Variants in ULK4 observed in about 807,000 individuals in gnomAD.
ULK4 encodes the protein unc-51 like kinase 4, also known as inactive serine/threonine-protein kinase ULK4.
Under a neutral mutation model 160.6 loss-of-function variants are expected in ULK4, and 133 were observed. The observed-to-expected ratio is 0.83, with a 90% CI of 0.72 to 0.96. ULK4 has a LOEUF of 0.96. Ranked by LOEUF, ULK4 falls within the 40% of genes least tolerant of loss-of-function variation. The pLI is 0.00. For synonymous variants in ULK4, 534 were observed against 539.8 expected (o/e 0.99, Z 0.15); for missense variants, 1,580 against 1,499.5 (o/e 1.05, Z -0.89).
chr3:41,295,034 C>G (rs1239426918), intron 35 of ULK4, among the ~76,000 whole-genome samples: 1 of 152,134 alleles, frequency 6.6e-6, no homozygotes, highest in Non-Finnish European at 1.5e-5. Flanking sequence ...CCGACACTTT[C>G]TAACTTCAAG....
At chr3:41,411,852 G>A (rs954702656) in intron 34 of ULK4, among the ~76,000 whole-genome samples, 9 of 152,226 alleles carry the variant, frequency 5.9e-5, no homozygotes, top group Middle Eastern at 6.8e-3. Flanking sequence ...CCTGATAAAG[G>A]TTGTGTAGGA....
intron 21 of ULK4, among the ~76,000 whole-genome samples, chr3:41,768,815 A>G (rs1043262548): frequency 6.6e-6 from 1 of 152,244 alleles, no homozygotes; most frequent in Non-Finnish European, 1.5e-5. Context: ...GGCACAAAAA[A>G]GTTTCACACA....
chr3:41,808,583 C>T (rs1339004900), intron 19 of ULK4, among the ~76,000 whole-genome samples: 1 of 152,168 alleles, frequency 6.6e-6, no homozygotes, highest in Non-Finnish European at 1.5e-5. Flanking sequence ...AATCAAAGAC[C>T]TATTTCTTCA....
intron 2 of ULK4, among the ~76,000 whole-genome samples, chr3:41,947,490 T>C (rs949030850): frequency 8.5e-5 from 13 of 152,182 alleles, no homozygotes; most frequent in Admixed American, 7.9e-4. Context: ...TTTTCTCGGC[T>C]TACCCTGCTG....
intron 27 of ULK4, among the ~76,000 whole-genome samples, chr3:41,702,933 A>C (rs1353921297): frequency 8.1e-5 from 12 of 148,626 alleles, no homozygotes; most frequent in Admixed American, 6.7e-4. Flanking sequence ...AGCTCACTGC[A>C]ACCTCCGCCT....
At chr3:41,436,392 T>A (rs2125851899) in intron 34 of ULK4, among the ~76,000 whole-genome samples, 1 of 152,366 alleles carries the variant, frequency 6.6e-6, no homozygotes, top group East Asian at 1.9e-4. Flanking sequence ...AACGCCATAC[T>A]ATATTGTAGT....
chr3:41,290,893 T>C (rs1434712993), intron 35 of ULK4, among the ~76,000 whole-genome samples: 1 of 152,180 alleles, frequency 6.6e-6, no homozygotes, highest in Admixed American at 6.5e-5. Context: ...CTGGTGAAAT[T>C]AATCACATGA....
chr3:41,636,696 G>A (rs183063643), intron 30 of ULK4, among the ~76,000 whole-genome samples: 12 of 151,984 alleles, frequency 7.9e-5, no homozygotes, highest in East Asian at 7.7e-4. Context: ...ATGCTGGTGC[G>A]CTGCACCCAT....
chr3:41,420,984 C>T (rs918565041), intron 34 of ULK4, among the ~76,000 whole-genome samples: 1 of 151,842 alleles, frequency 6.6e-6, no homozygotes, highest in African/African-American at 2.4e-5. Flanking sequence ...CATGGTGGTG[C>T]ATGGCTGTAG....
chr3:41,952,763 C>T (rs773172206), intron 2 of ULK4, among the ~76,000 whole-genome samples: 3 of 152,182 alleles, frequency 2.0e-5, no homozygotes, highest in Non-Finnish European at 4.4e-5. Context: ...TTTGTATCCA[C>T]ATATTCATAG....
chr3:41,753,303 G>C (rs1225422811), intron 22 of ULK4, among the ~76,000 whole-genome samples: 3 of 151,982 alleles, frequency 2.0e-5, no homozygotes, highest in African/African-American at 7.3e-5. Flanking sequence ...GATCTACAAA[G>C]CCTACTCTCT....
chr3:41,891,360 AGG>A (rs1697956402), intron 16 of ULK4, among the ~76,000 whole-genome samples: 2 of 116,690 alleles, frequency 1.7e-5, no homozygotes, highest in African/African-American at 3.2e-5. Flanking sequence ...GGAGGGAGGG[AGG>A]GAGGCAGGCA....
chr3:41,835,776 CA>C (rs939449766), intron 18 of ULK4, 87 bp downstream of exon 18: 1 of 1,027,368 alleles, frequency 9.7e-7, no homozygotes, highest in South Asian at 1.7e-5. Flanking sequence ...GGCGCAAAAT[CA>C]AAAAACTTTT....
intron 31 of ULK4, among the ~76,000 whole-genome samples, chr3:41,586,664 T>C (rs958089045): frequency 6.6e-6 from 1 of 152,118 alleles, no homozygotes; most frequent in Non-Finnish European, 1.5e-5. Context: ...TTTGCCACAA[T>C]AGAAAGATAC....
intron 30 of ULK4, among the ~76,000 whole-genome samples, chr3:41,636,333 A>G (rs550920327): frequency 6.6e-6 from 1 of 152,224 alleles, no homozygotes; most frequent in South Asian, 2.1e-4. Context: ...CCAAGAGTTC[A>G]AGACCAGCCT....
At position 41,563,357 on chromosome 3, in the gene ULK4, A is replaced by G. The variant is rs566373331; in HGVS notation, c.3226+2668T>C. On this transcript the variant is annotated intron_variant, in intron 32 of 36. Transcript: ENST00000301831. ...TGTCTTGGGGTTGCTCTTCTCAAGGAGTATCTTTGTGGTGTTCTCTGTATT... is the reference window on the plus strand; with the variant it reads ...TGTCTTGGGGTTGCTCTTCTCAAGGGGTATCTTTGTGGTGTTCTCTGTATT... Among the ~76,000 whole-genome samples the G allele has an allele frequency of 2.0e-5, 3 of 152,028 alleles. No individual in the cohort carries two copies. In the East Asian group the frequency reaches 5.8e-4, roughly 29 times the overall value.
chr3:41,941,961 A>G (rs1358607156), intron 2 of ULK4, among the ~76,000 whole-genome samples: 1 of 151,616 alleles, frequency 6.6e-6, no homozygotes, highest in African/African-American at 2.4e-5. Context: ...TCCTTCCAGC[A>G]CTCCTCATCA....
chr3:41,865,074 C>T (rs2042586740), intron 17 of ULK4, among the ~76,000 whole-genome samples: 1 of 151,908 alleles, frequency 6.6e-6, no homozygotes, highest in South Asian at 2.1e-4. Context: ...GAGTTCAAGA[C>T]CAGCCTGGCC....
intron 17 of ULK4, among the ~76,000 whole-genome samples, chr3:41,861,590 T>C (rs1316518195): frequency 6.6e-6 from 1 of 152,154 alleles, no homozygotes; most frequent in Non-Finnish European, 1.5e-5. Flanking sequence ...ATCCCTGACC[T>C]TTAGGAGTTT....
Sources: gnomAD v4.1 joint callset for allele counts (sites outside exome capture counted in the v4.1 genomes callset) on GRCh38, gnomAD v4.1.1 for gene constraint, MANE v1.5 for transcripts, NCBI Gene and HGNC (gene_info 2026-07-23, HGNC 2026-07-21) for gene names.